The following PAG1 variants were observed in gnomAD, a reference collection of about 807,000 sequenced individuals.
The protein encoded by PAG1 is phosphoprotein membrane anchor with glycosphingolipid microdomains 1, also known as phosphoprotein associated with glycosphingolipid-enriched microdomains 1.
A neutral mutation model predicts 31.7 loss-of-function variants in PAG1; 23 were observed. The ratio of observed to expected loss-of-function variants is 0.73; its 90% CI spans 0.52 to 1.03. PAG1 has a LOEUF of 1.03. PAG1 is among the 50% of genes least tolerant of loss of function. The pLI is 0.00. For missense variants in PAG1, 473 were observed against 540.7 expected, an observed-to-expected ratio of 0.87 and a Z score of 1.24; for synonymous variants, 214 against 210.3, an observed-to-expected ratio of 1.02 and a Z score of -0.15.
In PAG1 at chr8:81,015,102, T is replaced by A. The variant is rs181266382; in HGVS notation, c.-81+14894A>T. Among the ~76,000 whole-genome samples, 321 of 152,338 alleles carry A rather than the reference T, an allele frequency of 2.1e-3. 1 individual carries two copies. The highest frequency in any genetic ancestry group is 3.7e-3 in the Non-Finnish European group (253 of 68,026). Reference sequence around the variant, plus strand: ...TTCAAAGAGTATAGGTATTTTTTGATCCAGTTCACATCACTGATTAGAGGT... The same window carrying A: ...TTCAAAGAGTATAGGTATTTTTTGAACCAGTTCACATCACTGATTAGAGGT... On this transcript the variant is annotated intron_variant, in intron 3 of 8. Transcript: ENST00000220597.
chr8:81,065,441 G>A (rs1364434649), intron 2 of PAG1, among the ~76,000 whole-genome samples: 1 of 151,978 alleles, frequency 6.6e-6, no homozygotes, highest in Non-Finnish European at 1.5e-5. Context: ...ACTCACTGCT[G>A]TTTAAATTAG....
At chr8:80,983,077 G>A (rs755596364) in intron 7 of PAG1, among the ~76,000 whole-genome samples, 2 of 152,116 alleles carry the variant, frequency 1.3e-5, no homozygotes, top group Non-Finnish European at 2.9e-5. Flanking sequence ...ATCCAGGATC[G>A]AGCTCTGGTT....
chr8:81,093,738 C>A (rs16908572), intron 1 of PAG1, among the ~76,000 whole-genome samples: 5 of 151,866 alleles, frequency 3.3e-5, no homozygotes, highest in African/African-American at 1.2e-4. Flanking sequence ...CCTCTCTGGA[C>A]GATCAGCCAC....
chr8:81,092,558 G>A (rs147700935), intron 1 of PAG1, among the ~76,000 whole-genome samples: 222 of 152,300 alleles, frequency 1.5e-3, no homozygotes, highest in Non-Finnish European at 2.4e-3. Flanking sequence ...ATCAAATGTT[G>A]ATGTCCCTCT....
At chr8:81,070,468 C>T (rs1379771782) in intron 1 of PAG1, among the ~76,000 whole-genome samples, 1 of 152,088 alleles carries the variant, frequency 6.6e-6, no homozygotes, top group Non-Finnish European at 1.5e-5. Flanking sequence ...TAAATTATGT[C>T]CATACTTCGT....
intron 3 of PAG1, among the ~76,000 whole-genome samples, chr8:81,020,297 G>C (rs553825952): frequency 6.6e-6 from 1 of 152,288 alleles, no homozygotes; most frequent in South Asian, 2.1e-4. Flanking sequence ...GTTTTGAAAT[G>C]TGAGGACATG....
rs113657968 is a variant in PAG1, at chr8:81,013,478, G to A, written c.-81+16518C>T. Among the ~76,000 whole-genome samples, 1,005 of 152,258 alleles carry A rather than the reference G, an allele frequency of 6.6e-3. 16 individuals carry two copies. Among genetic ancestry groups the A allele is most frequent in the African/African-American group, 0.023 (953 of 41,542 alleles). ...TCATCCTCCAGGGCCCCTCTCTCTG[G>A]AAATGGTGCCACCTTCAGCTAGTTG... On this transcript the variant is annotated intron_variant, in intron 3 of 8. Transcript: ENST00000220597.
chr8:81,006,251 A>G (rs117494784), intron 3 of PAG1, among the ~76,000 whole-genome samples: 3 of 152,178 alleles, frequency 2.0e-5, no homozygotes, highest in African/African-American at 7.2e-5. Context: ...CCAAGAATCT[A>G]TATTTTTATC....
At chr8:81,062,692 T>C (rs942301672) in intron 2 of PAG1, among the ~76,000 whole-genome samples, 5 of 152,024 alleles carry the variant, frequency 3.3e-5, no homozygotes, top group African/African-American at 1.2e-4. Context: ...AGAAATCTTT[T>C]TTTTTGTTTG....
At chr8:81,095,466 C>G (rs895801091) in intron 1 of PAG1, among the ~76,000 whole-genome samples, 1 of 152,204 alleles carries the variant, frequency 6.6e-6, no homozygotes, top group African/African-American at 2.4e-5. Context: ...CAACTGCCTG[C>G]ATATACTCTG....
chr8:80,997,883 A>T (rs935830182), intron 3 of PAG1, among the ~76,000 whole-genome samples: 3 of 152,014 alleles, frequency 2.0e-5, no homozygotes, highest in Non-Finnish European at 4.4e-5. Context: ...GTACTACCTC[A>T]ATCTCCACCC....
intron 1 of PAG1, among the ~76,000 whole-genome samples, chr8:81,080,222 G>T (rs16908531): frequency 0.087 from 13,196 of 152,066 alleles, 1,537 homozygotes; most frequent in African/African-American, 0.26. Context: ...ATATATTCTA[G>T]TTCATGTATG....
chr8:81,035,543 G>T (rs1010363157), intron 2 of PAG1, among the ~76,000 whole-genome samples: 2 of 152,230 alleles, frequency 1.3e-5, no homozygotes, highest in Non-Finnish European at 2.9e-5. Flanking sequence ...ATGTGCTCCA[G>T]TGGACTGTGG....
At chr8:81,093,389 T>A (rs1809478081) in intron 1 of PAG1, among the ~76,000 whole-genome samples, 1 of 152,238 alleles carries the variant, frequency 6.6e-6, no homozygotes, top group Non-Finnish European at 1.5e-5. Flanking sequence ...AGAACATAGA[T>A]GTTTCCAGAC....
At chr8:81,064,995 C>T (rs140098262) in intron 2 of PAG1, among the ~76,000 whole-genome samples, 15 of 152,218 alleles carry the variant, frequency 9.9e-5, no homozygotes, top group Admixed American at 6.5e-5. Flanking sequence ...AGCAGAGATC[C>T]GAAGAGACAG....
At chr8:81,058,843 G>A (rs1018630063) in intron 2 of PAG1, among the ~76,000 whole-genome samples, 1 of 151,968 alleles carries the variant, frequency 6.6e-6, no homozygotes, top group African/African-American at 2.4e-5. Flanking sequence ...GCTGCACTGA[G>A]GTATGATTAT....
intron 7 of PAG1, among the ~76,000 whole-genome samples, 162 bp downstream of exon 7, chr8:80,984,613 CT>C (rs2130417697): frequency 6.6e-6 from 1 of 152,276 alleles, no homozygotes; most frequent in Admixed American, 6.5e-5. Context: ...TATTTTATTA[CT>C]TGGAGGGGGA....
intron 2 of PAG1, among the ~76,000 whole-genome samples, chr8:81,062,056 A>G (rs12547360): frequency 0.33 from 50,018 of 152,134 alleles, 10,023 homozygotes; most frequent in East Asian, 0.68. Flanking sequence ...AAAACAAAGC[A>G]ATTTAAAATG....
intron 1 of PAG1, among the ~76,000 whole-genome samples, chr8:81,082,009 T>C (rs1299038657): frequency 6.6e-6 from 1 of 151,990 alleles, no homozygotes; most frequent in Non-Finnish European, 1.5e-5. Flanking sequence ...TCCCAGCACT[T>C]TGGGAGGCCG....
Sources: gnomAD v4.1 joint callset for allele counts (sites outside exome capture counted in the v4.1 genomes callset) on GRCh38, gnomAD v4.1.1 for gene constraint, MANE v1.5 for transcripts, NCBI Gene and HGNC (gene_info 2026-07-23, HGNC 2026-07-21) for gene names.